RANBP9: variants seen among roughly 807,000 people sequenced by gnomAD.
The protein encoded by RANBP9 is RAN binding protein 9, also known as ran-binding protein 9.
RANBP9 carries 15 observed loss-of-function variants against 84.3 expected under a neutral mutation model. That is an observed-to-expected ratio of 0.18 (90% CI 0.12 to 0.27). The LOEUF (loss-of-function observed/expected upper bound fraction) is 0.27. RANBP9 is among the 10% of genes least tolerant of loss of function. RANBP9 has a pLI of 1.00. For missense variants in RANBP9, 809 were observed against 912.8 expected (o/e 0.89, Z 1.46); for synonymous variants, 392 against 349.6 (o/e 1.12, Z -1.35).
At chr6:13,684,376 A>T (rs1766117627) in intron 2 of RANBP9, among the ~76,000 whole-genome samples, 1 of 152,198 alleles carries the variant, frequency 6.6e-6, no homozygotes, top group Non-Finnish European at 1.5e-5. Context: ...TGAGTATATC[A>T]GCTCCGTGCT....
At chr6:13,691,700 C>T (rs187539879) in intron 2 of RANBP9, among the ~76,000 whole-genome samples, 117 of 152,140 alleles carry the variant, frequency 7.7e-4, no homozygotes, top group African/African-American at 2.7e-3. Context: ...GAGTCTCGCA[C>T]AGTCACCTGG....
chr6:13,633,769 T>C (rs1171845493), intron 11 of RANBP9, among the ~76,000 whole-genome samples: 5 of 152,180 alleles, frequency 3.3e-5, no homozygotes, highest in Admixed American at 6.5e-5. Flanking sequence ...AAATCTAACA[T>C]TGCCATGGAA....
chr6:13,631,716 A>C (rs1764787154), intron 12 of RANBP9, among the ~76,000 whole-genome samples: 3 of 152,226 alleles, frequency 2.0e-5, no homozygotes, highest in African/African-American at 7.2e-5. Context: ...AAAGAGCTGT[A>C]CATCTCTACA....
intron 1 of RANBP9, among the ~76,000 whole-genome samples, chr6:13,710,053 T>C (rs1028533252): frequency 2.6e-5 from 4 of 152,240 alleles, no homozygotes; most frequent in Non-Finnish European, 5.9e-5. Flanking sequence ...TACATTTCAA[T>C]AGTTCCCATA....
rs143499720 is a variant in RANBP9, at chr6:13,649,513, A to C, written c.927+3146T>G. On this transcript the variant is annotated intron_variant, in intron 5 of 13. Coordinates refer to ENST00000011619, the MANE Select transcript of RANBP9 (RefSeq NM_005493.3). ...AAACTCTTTAACCAACTCCAAATGAAACTTACAGCATTCTCACCAGTCTCT... is the reference window on the plus strand; with the variant it reads ...AAACTCTTTAACCAACTCCAAATGACACTTACAGCATTCTCACCAGTCTCT... Among the ~76,000 whole-genome samples, 545 of 151,998 alleles carry C rather than the reference A, an allele frequency of 3.6e-3. 4 individuals are homozygous for C. The highest frequency in any genetic ancestry group is 0.013 in the African/African-American group (520 of 41,430).
At chr6:13,686,000 G>T (rs1766167226) in intron 2 of RANBP9, among the ~76,000 whole-genome samples, 1 of 149,528 alleles carries the variant, frequency 6.7e-6, no homozygotes, top group Non-Finnish European at 1.5e-5. Context: ...GAAACGAGCA[G>T]AAGTATTGAT....
intron 12 of RANBP9, among the ~76,000 whole-genome samples, chr6:13,629,921 C>CGTGTGTGTGT (rs3063992): frequency 7.8e-6 from 1 of 128,342 alleles, no homozygotes; most frequent in South Asian, 2.5e-4. Context: ...CTCTCTCTCT[C>CGTGTGTGTGT]GTGTGTGTGT....
At chr6:13,660,082 C>A (rs1765505986) in intron 2 of RANBP9, among the ~76,000 whole-genome samples, 1 of 152,112 alleles carries the variant, frequency 6.6e-6, no homozygotes, top group Admixed American at 6.5e-5. Flanking sequence ...CTAGTATAGC[C>A]AGCTGGACAG....
chr6:13,664,092 G>A (rs933019139), intron 2 of RANBP9, among the ~76,000 whole-genome samples: 1 of 152,116 alleles, frequency 6.6e-6, no homozygotes. Flanking sequence ...CTGGCTCTAT[G>A]TACAGATGAT....
At chr6:13,710,110 T>C (rs1758235280) in intron 1 of RANBP9, among the ~76,000 whole-genome samples, 1 of 152,226 alleles carries the variant, frequency 6.6e-6, no homozygotes, top group African/African-American at 2.4e-5. Flanking sequence ...AGCTTTGTTT[T>C]AACCTAGGAG....
At chr6:13,627,221 C>T (rs1366804849) in intron 12 of RANBP9, among the ~76,000 whole-genome samples, 3 of 152,152 alleles carry the variant, frequency 2.0e-5, no homozygotes, top group Non-Finnish European at 2.9e-5. Flanking sequence ...ATGTTTTATG[C>T]ATCCCACAAA....
chr6:13,644,894 G>A (rs1049522422), intron 5 of RANBP9, among the ~76,000 whole-genome samples, 165 bp from the exon 6 acceptor site: 7 of 152,066 alleles, frequency 4.6e-5, no homozygotes, highest in African/African-American at 1.4e-4. Context: ...TACATTATAT[G>A]TTAGATGAAA....
At chr6:13,682,497 G>A (rs1043651826) in intron 2 of RANBP9, among the ~76,000 whole-genome samples, 2 of 150,614 alleles carry the variant, frequency 1.3e-5, no homozygotes, top group Non-Finnish European at 2.9e-5. Context: ...TTGTTGCCCA[G>A]CCTGCAGTGC....
intron 2 of RANBP9, among the ~76,000 whole-genome samples, chr6:13,681,559 C>G (rs1766038645): frequency 6.6e-6 from 1 of 150,534 alleles, no homozygotes; most frequent in African/African-American, 2.4e-5. Flanking sequence ...GTACCTCTCT[C>G]AATGTAAAAA....
chr6:13,638,842 T>G (rs919738566), intron 9 of RANBP9, among the ~76,000 whole-genome samples: 2 of 151,348 alleles, frequency 1.3e-5, no homozygotes, highest in South Asian at 2.1e-4. Context: ...AGAGGCTTGG[T>G]TGGGAAAGGT....
chr6:13,709,992 ATTT>A (rs937987336), intron 1 of RANBP9, among the ~76,000 whole-genome samples: 1 of 151,718 alleles, frequency 6.6e-6, no homozygotes, highest in Non-Finnish European at 1.5e-5. Context: ...CGTTAGGTTG[ATTT>A]TTTTTTCTTC....
chr6:13,629,758 C>T (rs1403086789), intron 12 of RANBP9, among the ~76,000 whole-genome samples: 1 of 152,032 alleles, frequency 6.6e-6, no homozygotes, highest in Non-Finnish European at 1.5e-5. Context: ...AAGACGTAGG[C>T]AGATAAGGAA....
At chr6:13,670,602 C>T (rs1196328584) in intron 2 of RANBP9, among the ~76,000 whole-genome samples, 1 of 152,014 alleles carries the variant, frequency 6.6e-6, no homozygotes, top group Non-Finnish European at 1.5e-5. Context: ...CGAGACCATC[C>T]TGGCTAACAC....
At chr6:13,658,152 A>G (rs1459539732) in intron 3 of RANBP9, among the ~76,000 whole-genome samples, 1 of 152,158 alleles carries the variant, frequency 6.6e-6, no homozygotes, top group Non-Finnish European at 1.5e-5. Flanking sequence ...GATGGGTTAA[A>G]AGTCAAAAAT....
Sources: allele counts gnomAD v4.1 joint callset (sites outside exome capture counted in the v4.1 genomes callset), GRCh38; gene constraint gnomAD v4.1.1; transcripts MANE v1.5; gene names NCBI Gene and HGNC (gene_info 2026-07-23, HGNC 2026-07-21).